IQSEC1: variants seen among roughly 807,000 people sequenced by gnomAD.
IQSEC1 encodes IQ motif and Sec7 domain ArfGEF 1.
IQSEC1 carries 31 observed loss-of-function variants against 91.0 expected under a neutral mutation model. The ratio of observed to expected loss-of-function variants is 0.34; its 90% confidence interval spans 0.26 to 0.46. The LOEUF (loss-of-function observed/expected upper bound fraction) is 0.46. IQSEC1 is among the 20% of genes least tolerant of loss of function. IQSEC1 has a pLI of 1.00. For synonymous variants in IQSEC1, 699 were observed against 662.6 expected (o/e 1.05, Z -0.84); for missense variants, 1,388 against 1,575.6 (o/e 0.88, Z 2.02).
intron 2 of IQSEC1, among the ~76,000 whole-genome samples, chr3:13,113,030 C>G (rs888737168): frequency 1.3e-5 from 2 of 152,246 alleles, no homozygotes; most frequent in African/African-American, 4.8e-5. Context: ...AGCAGACACG[C>G]CTAGAGCTGC....
At chr3:13,216,945 C>T (rs1042836701) in intron 1 of IQSEC1, among the ~76,000 whole-genome samples, 5 of 152,160 alleles carry the variant, frequency 3.3e-5, no homozygotes, top group Non-Finnish European at 7.3e-5. Context: ...CATATCACGA[C>T]GCAGGCAAGG....
chr3:13,180,418 A>G (rs357144), intron 1 of IQSEC1, among the ~76,000 whole-genome samples: 112,527 of 151,318 alleles, frequency 0.74, 42,148 homozygotes, highest in African/African-American at 0.84. Context: ...GAGAACCTTT[A>G]TGTCTAGCTC....
chr3:12,906,690 G>A (rs763661333), intron 12 of IQSEC1, among the ~76,000 whole-genome samples: 3 of 152,228 alleles, frequency 2.0e-5, no homozygotes, highest in Non-Finnish European at 4.4e-5. Context: ...ACCTGGGGCC[G>A]GCACGTGGCT....
intron 1 of IQSEC1, among the ~76,000 whole-genome samples, chr3:13,245,127 G>C (rs578237704): frequency 6.6e-6 from 1 of 152,290 alleles, no homozygotes; most frequent in South Asian, 2.1e-4. Flanking sequence ...AGCTGGGCTT[G>C]GCTGATCGAG....
chr3:12,899,749 A>G lies in IQSEC1; in HGVS notation c.*1234T>C, dbSNP rs1694037986. 4 of 985,444 alleles carry G rather than the reference A, an allele frequency of 4.1e-6. No homozygotes were observed. The highest frequency in any genetic ancestry group is 1.1e-4 in the East Asian group (1 of 8,822). 61.0% of individuals were successfully genotyped at this position (985,444 alleles called of 1,614,324 possible). On this transcript the variant is annotated 3_prime_UTR_variant, in exon 14 of 14. Coordinates refer to ENST00000613206, the MANE Select transcript of IQSEC1 (RefSeq NM_001134382.3). ...ACACCGCCCTGGGTTGCTAAACGCT[A>G]AAGTCAACCTTCAGGTTCGAGAGTG...
intron 1 of IQSEC1, among the ~76,000 whole-genome samples, chr3:12,945,731 C>T (rs985185377): frequency 2.6e-5 from 4 of 152,188 alleles, no homozygotes; most frequent in Non-Finnish European, 5.9e-5. Flanking sequence ...CAATCAGCAA[C>T]TACGCAGTGC....
rs1316953840 is a variant in IQSEC1, at chr3:12,970,768, A to G, written c.24-28903T>C. ...TGTCACTGCTCCCAGAAAGACACCCATGACCAGCGCCTAGTCCAAGTCAGA... is the reference window on the plus strand; with the variant it reads ...TGTCACTGCTCCCAGAAAGACACCCGTGACCAGCGCCTAGTCCAAGTCAGA... On this transcript the variant is annotated intron_variant, in intron 1 of 13. Coordinates refer to ENST00000613206, the MANE Select transcript of IQSEC1 (RefSeq NM_001134382.3). This position sits in a 1 kb window ranked among gnomAD's most constrained non-coding sequence, Gnocchi z 4.4. 6.6e-6 allele frequency among the ~76,000 whole-genome samples: 1 copy of G among 152,158 alleles called. No homozygotes were observed. The highest frequency in any genetic ancestry group is 2.4e-5 in the African/African-American group (1 of 41,424).
At chr3:13,051,567 G>A (rs1370682753) in intron 1 of IQSEC1, among the ~76,000 whole-genome samples, 1 of 152,194 alleles carries the variant, frequency 6.6e-6, no homozygotes, top group Non-Finnish European at 1.5e-5. Context: ...CAAGCCATAC[G>A]CTGATGAATT....
At chr3:13,039,845 C>A (rs1576202612) in intron 1 of IQSEC1, among the ~76,000 whole-genome samples, 1 of 152,352 alleles carries the variant, frequency 6.6e-6, no homozygotes, top group East Asian at 1.9e-4. Context: ...GGTGGACAGA[C>A]CGAGCTGCTC....
At chr3:13,095,030 A>G (rs1484068900) in intron 2 of IQSEC1, among the ~76,000 whole-genome samples, 1 of 151,810 alleles carries the variant, frequency 6.6e-6, no homozygotes, top group Non-Finnish European at 1.5e-5. Flanking sequence ...CACCTGGGCA[A>G]ACGCTATTGC....
At chr3:13,026,259 C>G (rs1703608491) in intron 1 of IQSEC1, among the ~76,000 whole-genome samples, 1 of 152,226 alleles carries the variant, frequency 6.6e-6, no homozygotes, top group African/African-American at 2.4e-5. Context: ...AACCCTCTGG[C>G]CCAGGGCTGG....
intron 1 of IQSEC1, among the ~76,000 whole-genome samples, chr3:13,029,542 AAAG>A (rs1188296127): frequency 1.3e-5 from 2 of 152,238 alleles, no homozygotes; most frequent in African/African-American, 4.8e-5. Flanking sequence ...TTCCTTAGAC[AAAG>A]AAGAAAGCTG....
At chr3:12,943,141 G>A (rs544279722) in intron 1 of IQSEC1, among the ~76,000 whole-genome samples, 2 of 152,312 alleles carry the variant, frequency 1.3e-5, no homozygotes, top group Admixed American at 1.3e-4. Flanking sequence ...TACAGGGGGT[G>A]CCAGGATGAC....
At position 12,909,586 on chromosome 3, in the gene IQSEC1, G is replaced by A; in HGVS notation, c.2417-152C>T. 1.4e-6 allele frequency: 1 copy of A among 696,534 alleles called. No individual in the cohort carries two copies. The highest frequency in any genetic ancestry group is 2.4e-6 in the Non-Finnish European group (1 of 416,270). The allele number at this position is 696,534 out of a possible 1,614,324, so 43.1% of individuals were successfully genotyped here. A position where few individuals can be genotyped will look rare whatever the true frequency, so the allele number is the denominator to read the frequency against. Reference sequence around the variant, plus strand: ...AGCCTCCGCAGTGGCAGGCTGCAGGGGTGCAGAGCAACCTCATCTCCCGAC... The same window carrying A: ...AGCCTCCGCAGTGGCAGGCTGCAGGAGTGCAGAGCAACCTCATCTCCCGAC... On this transcript the variant is annotated intron_variant, in intron 10 of 13. Transcript: ENST00000613206. The surrounding 1 kb of genome is among the most constrained non-coding windows in gnomAD (Gnocchi z 4.9).
intron 1 of IQSEC1, among the ~76,000 whole-genome samples, chr3:13,246,687 A>G (rs954598975): frequency 4.6e-5 from 7 of 152,192 alleles, no homozygotes; most frequent in Non-Finnish European, 1.0e-4. Context: ...CATCAAGTTC[A>G]GAGGCTTTGC....
intron 12 of IQSEC1, 81 bp from the exon 13 acceptor site, chr3:12,902,903 A>C (rs1694523860): frequency 9.4e-7 from 1 of 1,061,718 alleles, no homozygotes; most frequent in Middle Eastern, 2.0e-4. Context: ...CGCTGCTGCC[A>C]CGGAGCCTGC....
chr3:13,059,454 G>T (rs769734828), intron 1 of IQSEC1, among the ~76,000 whole-genome samples: 9 of 152,230 alleles, frequency 5.9e-5, no homozygotes, highest in Non-Finnish European at 1.2e-4. Context: ...CTGGCACGGG[G>T]TGCCCTCTGG....
At chr3:12,946,794 C>T (rs778856789) in intron 1 of IQSEC1, among the ~76,000 whole-genome samples, 5 of 152,224 alleles carry the variant, frequency 3.3e-5, no homozygotes, top group Non-Finnish European at 7.3e-5. Flanking sequence ...AATAGCCCTG[C>T]TGCCCGCCAC....
chr3:12,941,634 G>GGCC lies in IQSEC1; in HGVS notation c.252_254dup (p.Ala85dup). On this transcript the variant is annotated inframe_insertion, in exon 2 of 14. Coordinates refer to ENST00000613206, the MANE Select transcript of IQSEC1 (RefSeq NM_001134382.3). The stretch of plus-strand genomic sequence containing the variant: ...CGGAGAGTGAGCGTGAGCGCTTGAT[G>GGCC]GCCTCCTCCTCAGCCTGCTTGCGCA... The GGCC allele has an allele frequency of 1.9e-6, 3 of 1,611,862 alleles. No individual in the cohort carries two copies. The highest frequency in any genetic ancestry group is 8.5e-7 in the Non-Finnish European group (1 of 1,179,220).
Sources: gnomAD v4.1 joint callset for allele counts (sites outside exome capture counted in the v4.1 genomes callset) on GRCh38, gnomAD v4.1.1 for gene constraint, Gnocchi (gnomAD v3.1) non-coding constraint, MANE v1.5 for transcripts, NCBI Gene and HGNC (gene_info 2026-07-23, HGNC 2026-07-21) for gene names.